The following RPSA2 variants were observed in gnomAD, a reference collection of about 807,000 sequenced individuals.
The protein encoded by RPSA2 is ribosomal protein SA 2.
chr19:23,841,079 G>A, the RPSA2 span, among the ~76,000 whole-genome samples: 1 of 151,674 alleles, frequency 6.6e-6, no homozygotes, highest in African/African-American at 2.4e-5. Flanking sequence ...TTTTTGGCCA[G>A]TAATCTCACA....
At chr19:23,823,740 C>G in the RPSA2 span, 1 of 152,290 alleles carries the variant, frequency 6.6e-6, no homozygotes. Context: ...AAAACCTTAC[C>G]GTGGTCCTGT....
the RPSA2 span, among the ~76,000 whole-genome samples, chr19:23,765,938 TAA>T: frequency 6.7e-6 from 1 of 149,718 alleles, no homozygotes; most frequent in African/African-American, 2.5e-5. Flanking sequence ...GATAGGTGTG[TAA>T]AAAATTAATT....
chr19:23,759,522 GT>G, the RPSA2 span, among the ~76,000 whole-genome samples: 6 of 89,042 alleles, frequency 6.7e-5, no homozygotes, highest in African/African-American at 1.8e-4. Context: ...TATATATCAG[GT>G]TTTTTTTTTT....
the RPSA2 span, among the ~76,000 whole-genome samples, chr19:23,868,529 G>A: frequency 9.2e-5 from 14 of 152,040 alleles, no homozygotes; most frequent in African/African-American, 3.4e-4. Context: ...AAGGGTGATT[G>A]GACACCAGCC....
chr19:23,763,970 T>C, the RPSA2 span, among the ~76,000 whole-genome samples: 1 of 152,180 alleles, frequency 6.6e-6, no homozygotes, highest in Admixed American at 6.5e-5. Flanking sequence ...ATTTGTATGA[T>C]ACAGGTGGAA....
the RPSA2 span, among the ~76,000 whole-genome samples, chr19:23,844,268 G>A: frequency 5.3e-5 from 8 of 152,080 alleles, no homozygotes; most frequent in African/African-American, 1.9e-4. Flanking sequence ...ACTTGTCTTT[G>A]CTTTGAATTT....
chr19:23,844,878 C>G, the RPSA2 span, among the ~76,000 whole-genome samples: 1 of 150,854 alleles, frequency 6.6e-6, no homozygotes, highest in Non-Finnish European at 1.5e-5. Context: ...TTTGGCTGTG[C>G]ATTTATCTAG....
At chr19:23,840,325 G>A in the RPSA2 span, among the ~76,000 whole-genome samples, 1 of 152,034 alleles carries the variant, frequency 6.6e-6, no homozygotes, top group African/African-American at 2.4e-5. Flanking sequence ...TCTCCATCCA[G>A]GCTTCTTACA....
chr19:23,866,513 G>GGC, the RPSA2 span, among the ~76,000 whole-genome samples: 9 of 142,276 alleles, frequency 6.3e-5, no homozygotes, highest in Non-Finnish European at 1.1e-4. Context: ...ACAATGTGGT[G>GGC]CCCCCCCCCG....
chr19:23,827,011 A>G, the RPSA2 span: 14 of 648,674 alleles, frequency 2.2e-5, no homozygotes, highest in Admixed American at 1.9e-4. Flanking sequence ...ATTTCAAATT[A>G]TATCTACTGA....
the RPSA2 span, among the ~76,000 whole-genome samples, chr19:23,847,951 C>T: frequency 6.6e-6 from 1 of 152,122 alleles, no homozygotes; most frequent in African/African-American, 2.4e-5. Context: ...TTGCCTGACC[C>T]CGCAGGCAGT....
At chr19:23,780,286 C>G in the RPSA2 span, among the ~76,000 whole-genome samples, 1 of 152,102 alleles carries the variant, frequency 6.6e-6, no homozygotes, top group Non-Finnish European at 1.5e-5. Context: ...TTGTCATCCT[C>G]ACACATGGAA....
At chr19:23,817,298 C>T in the RPSA2 span, among the ~76,000 whole-genome samples, 1 of 152,176 alleles carries the variant, frequency 6.6e-6, no homozygotes, top group South Asian at 2.1e-4. Flanking sequence ...AGGAGAATTG[C>T]CTGAACCCGG....
At chr19:23,871,142 T>C in the RPSA2 span, among the ~76,000 whole-genome samples, 1 of 152,208 alleles carries the variant, frequency 6.6e-6, no homozygotes, top group Admixed American at 6.5e-5. Context: ...AGGAGCCCCC[T>C]GACCCCTTCT....
At chr19:23,768,442 C>T in the RPSA2 span, among the ~76,000 whole-genome samples, 4 of 150,094 alleles carry the variant, frequency 2.7e-5, no homozygotes, top group African/African-American at 9.8e-5. Context: ...GTCTAGATAT[C>T]CAAGTTTAAT....
At chr19:23,830,980 G>A in the RPSA2 span, among the ~76,000 whole-genome samples, 1 of 152,082 alleles carries the variant, frequency 6.6e-6, no homozygotes, top group Non-Finnish European at 1.5e-5. Context: ...TAGGATATGT[G>A]CTGTCTGAAA....
At chr19:23,767,946 T>C in the RPSA2 span, among the ~76,000 whole-genome samples, 101 of 152,024 alleles carry the variant, frequency 6.6e-4, 1 homozygote, top group African/African-American at 2.4e-3. Context: ...TTTCTATTTT[T>C]AGTAGAGACG....
At chr19:23,771,285 A>G in the RPSA2 span, among the ~76,000 whole-genome samples, 13 of 152,224 alleles carry the variant, frequency 8.5e-5, no homozygotes, top group Admixed American at 6.5e-4. Flanking sequence ...AATTCAGTCC[A>G]TAGAGAGGTC....
chr19:23,779,062 G>A, the RPSA2 span, among the ~76,000 whole-genome samples: 5 of 144,814 alleles, frequency 3.5e-5, no homozygotes, highest in Middle Eastern at 4.1e-3. Flanking sequence ...GTGCAGTGGC[G>A]CAATCTCTGC....
Sources: gnomAD v4.1 joint callset for allele counts (sites outside exome capture counted in the v4.1 genomes callset) on GRCh38, gnomAD v4.1.1 for gene constraint, MANE v1.5 for transcripts, NCBI Gene and HGNC (gene_info 2026-07-23, HGNC 2026-07-21) for gene names.